TENM2: variants seen among roughly 807,000 people sequenced by gnomAD.
The protein encoded by TENM2 is teneurin-2.
TENM2 carries 52 observed loss-of-function variants against 245.2 expected under a neutral mutation model. That is an observed-to-expected ratio of 0.21 (90% CI 0.17 to 0.27). TENM2 has a LOEUF of 0.27. Among genes scored for constraint, TENM2 ranks in the 10% least tolerant of loss-of-function variants. The probability of loss-of-function intolerance (pLI) is 1.00; values close to 1 mark genes in which losing one functional copy is unlikely to be tolerated. For missense variants in TENM2, 3,046 were observed against 3,666.8 expected, an observed-to-expected ratio of 0.83 and a Z score of 4.37; for synonymous variants, 1,363 against 1,438.9, an observed-to-expected ratio of 0.95 and a Z score of 1.19.
the TENM2 span, among the ~76,000 whole-genome samples, chr5:167,182,754 C>A: frequency 6.6e-6 from 1 of 152,172 alleles, no homozygotes; most frequent in East Asian, 1.9e-4. Context: ...CGTGGTGATA[C>A]CAGATCCCAC....
Position 168,218,630 on chromosome 5 carries a change from T to A in TENM2, c.4739T>A (p.Phe1580Tyr), listed in dbSNP as rs1763407234. ...AAGAACAAGCCTGTTCTTAATGCCT[T>A]CAACCAGTATGAGGCTGCATCCCCC... Residue 1580 changes from phenylalanine (F) to tyrosine (Y), a missense_variant, in exon 23 of 29, where the codon TTC (phenylalanine) becomes TAC (tyrosine). This residue lies in a region of TENM2 where 2,704 missense variants were observed against 3,331.9 expected (regional missense o/e 0.81). Coordinates refer to ENST00000518659, the Ensembl canonical transcript of TENM2. The surrounding 1 kb of genome is among the most constrained non-coding windows in gnomAD (Gnocchi z 5.2). The A allele has an allele frequency of 6.2e-7, 1 of 1,613,998 alleles. No individual in the cohort carries two copies. The highest frequency in any genetic ancestry group is 2.2e-5 in the East Asian group (1 of 44,880).
intron 11 of TENM2, 31 bp downstream of exon 13, chr5:168,125,081 C>G (rs1209009578): frequency 1.9e-6 from 3 of 1,564,558 alleles, no homozygotes; most frequent in Non-Finnish European, 2.6e-6. Flanking sequence ...CTTCCTCTCT[C>G]CAACACTCCT....
chr5:167,913,930 A>G (rs1008920843), intron 3 of TENM2, among the ~76,000 whole-genome samples: 12 of 152,272 alleles, frequency 7.9e-5, no homozygotes, highest in African/African-American at 2.9e-4. Context: ...AGAAGAGACC[A>G]TGTATATTAA....
intron 12 of TENM2, among the ~76,000 whole-genome samples, chr5:168,157,814 T>C (rs1757317034): frequency 1.3e-5 from 2 of 152,160 alleles, no homozygotes. Flanking sequence ...TAGATGGCTA[T>C]GTTGAGACGC....
At chr5:167,645,223 A>C (rs2150263986) in intron 2 of TENM2, among the ~76,000 whole-genome samples, 1 of 152,352 alleles carries the variant, frequency 6.6e-6, no homozygotes. Context: ...GATGAGAAGT[A>C]CATTCTAACA....
At chr5:168,200,701 T>C (rs970312186) in intron 17 of TENM2, among the ~76,000 whole-genome samples, 1 of 152,202 alleles carries the variant, frequency 6.6e-6, no homozygotes, top group Non-Finnish European at 1.5e-5. Context: ...GAAAGTCACA[T>C]GCTATGTTCC....
chr5:167,405,769 A>AACACACACACACACACAC (rs149621688), intron 2 of TENM2, among the ~76,000 whole-genome samples: 2,124 of 145,236 alleles, frequency 0.015, 24 homozygotes, highest in Non-Finnish European at 0.021. Flanking sequence ...CACACACACA[A>AACACACACACACACACAC]ACACACACAC....
intron 2 of TENM2, among the ~76,000 whole-genome samples, chr5:167,404,029 C>T (rs1239865559): frequency 1.3e-5 from 2 of 151,956 alleles, no homozygotes; most frequent in East Asian, 1.9e-4. Context: ...CCTATTTTCC[C>T]TCTATTTAAA....
chr5:168,008,636 C>A (rs1050062647), intron 5 of TENM2, among the ~76,000 whole-genome samples: 1 of 151,988 alleles, frequency 6.6e-6, no homozygotes, highest in African/African-American at 2.4e-5. Flanking sequence ...GAGTTAACTG[C>A]GAGAGATTTC....
intron 13 of TENM2, among the ~76,000 whole-genome samples, chr5:168,185,803 A>G (rs1291671933): frequency 6.9e-6 from 1 of 144,370 alleles, no homozygotes; most frequent in African/African-American, 2.5e-5. Flanking sequence ...ATAAGGGAAT[A>G]TTAATTTCAT....
At chr5:167,783,703 T>C (rs1366798127) in intron 2 of TENM2, among the ~76,000 whole-genome samples, 1 of 152,188 alleles carries the variant, frequency 6.6e-6, no homozygotes, top group African/African-American at 2.4e-5. Flanking sequence ...CATTGTGTTG[T>C]TTTTAGCATT....
At position 168,126,739 on chromosome 5, in the gene TENM2, T is replaced by C. The variant is rs1217743918; in HGVS notation, c.2210-15T>C. ...CAGCTGTGGTGTTGAGCTGTAATCATTGTTTTTCTTCCAGAAGTGTGCTCA... is the reference window on the plus strand; with the variant it reads ...CAGCTGTGGTGTTGAGCTGTAATCACTGTTTTTCTTCCAGAAGTGTGCTCA... On this transcript the variant is annotated splice_polypyrimidine_tract_variant and intron_variant, in intron 11 of 28. Transcript: ENST00000518659. 3 of 1,597,396 alleles carry C rather than the reference T, an allele frequency of 1.9e-6. No homozygotes were observed. Among genetic ancestry groups the C allele is most frequent in the East Asian group, 2.3e-5 (1 of 44,432 alleles).
the TENM2 span, among the ~76,000 whole-genome samples, chr5:167,239,966 G>A: frequency 2.0e-5 from 3 of 152,138 alleles, no homozygotes; most frequent in East Asian, 1.9e-4. Flanking sequence ...TAGAGACAGG[G>A]TTCTTCCATG....
intron 5 of TENM2, among the ~76,000 whole-genome samples, chr5:168,035,695 C>T (rs1787603998): frequency 6.6e-6 from 1 of 152,032 alleles, no homozygotes; most frequent in Admixed American, 6.5e-5. Context: ...CTGAGGGCAC[C>T]GATTCAAAGG....
chr5:167,514,734 G>T (rs778741635), intron 2 of TENM2, among the ~76,000 whole-genome samples: 23 of 152,188 alleles, frequency 1.5e-4, no homozygotes, highest in Non-Finnish European at 3.2e-4. Context: ...TATTTGCAAA[G>T]GTTGAGTGGC....
chr5:167,408,325 T>TA (rs1457322145), intron 2 of TENM2, among the ~76,000 whole-genome samples: 4 of 152,126 alleles, frequency 2.6e-5, no homozygotes, highest in African/African-American at 9.6e-5. Context: ...TATATATGTC[T>TA]AACTCACCTC....
the TENM2 span, among the ~76,000 whole-genome samples, chr5:167,265,186 A>C: frequency 6.6e-6 from 1 of 151,634 alleles, no homozygotes; most frequent in East Asian, 1.9e-4. Context: ...AAAAAAAATT[A>C]ACCTGGCATA....
chr5:167,329,932 C>G (rs1757340389), intron 1 of TENM2, among the ~76,000 whole-genome samples: 2 of 152,162 alleles, frequency 1.3e-5, no homozygotes, highest in South Asian at 2.1e-4. Flanking sequence ...TGAAATCTAC[C>G]CTGAGTACTC....
At position 167,968,685 on chromosome 5, in the gene TENM2, A is replaced by G. The variant is rs140441796; in HGVS notation, c.947+15863A>G. Among the ~76,000 whole-genome samples the G allele has an allele frequency of 2.9e-3, 442 of 152,304 alleles. 2 individuals are homozygous for G. Among genetic ancestry groups the G allele is most frequent in the African/African-American group, 9.8e-3 (409 of 41,572 alleles). ...AACACTGGTATGTTCTTAGATAAGAATTTTCGATGATCTTAGTGACTTTCT... is the reference window on the plus strand; with the variant it reads ...AACACTGGTATGTTCTTAGATAAGAGTTTTCGATGATCTTAGTGACTTTCT... On this transcript the variant is annotated intron_variant, in intron 4 of 28. Coordinates refer to ENST00000518659, the Ensembl canonical transcript of TENM2.
Sources: gnomAD v4.1 joint callset for allele counts (sites outside exome capture counted in the v4.1 genomes callset) on GRCh38, gnomAD v4.1.1 for gene constraint, gnomAD v4.1.1 regional missense constraint, Gnocchi (gnomAD v3.1) non-coding constraint, MANE v1.5 for transcripts, NCBI Gene and HGNC (gene_info 2026-07-23, HGNC 2026-07-21) for gene names.